Variants in GRIA4 observed in about 807,000 individuals in gnomAD.
GRIA4 encodes the protein glutamate receptor 4.
In GRIA4, 34 loss-of-function variants were observed where a neutral mutation model predicts 104.0. The ratio of observed to expected loss-of-function variants is 0.33; its 90% CI spans 0.25 to 0.44. GRIA4 has a LOEUF of 0.44. Among genes scored for constraint, GRIA4 ranks in the 20% least tolerant of loss-of-function variants. The probability of loss-of-function intolerance (pLI) is 1.00; values close to 1 mark genes in which losing one functional copy is unlikely to be tolerated. For synonymous variants in GRIA4, 386 were observed against 381.9 expected (o/e 1.01, Z -0.13); for missense variants, 750 against 1,096.5 (o/e 0.68, Z 4.46).
At chr11:105,881,767 A>G (rs2136082419) in intron 5 of GRIA4, among the ~76,000 whole-genome samples, 1 of 152,184 alleles carries the variant, frequency 6.6e-6, no homozygotes, top group East Asian at 1.9e-4. Context: ...TTGTACGTGC[A>G]TTGGTGTATC....
At chr11:105,922,819 G>A (rs1947601833) in intron 11 of GRIA4, among the ~76,000 whole-genome samples, 1 of 152,024 alleles carries the variant, frequency 6.6e-6, no homozygotes, top group Non-Finnish European at 1.5e-5. Context: ...AATGGGCTGG[G>A]TCATACTAAT....
chr11:105,711,158 G>T (rs1010153688), intron 3 of GRIA4, among the ~76,000 whole-genome samples: 1 of 151,550 alleles, frequency 6.6e-6, no homozygotes, highest in Non-Finnish European at 1.5e-5. Context: ...CACCTGATCT[G>T]GATCAAACCT....
chr11:105,968,602 C>T (rs962362858), intron 14 of GRIA4, among the ~76,000 whole-genome samples: 2 of 152,146 alleles, frequency 1.3e-5, no homozygotes, highest in African/African-American at 4.8e-5. Flanking sequence ...GCATCTTACA[C>T]GAAATAAATT....
At chr11:105,786,935 C>CA (rs1268124037) in intron 4 of GRIA4, among the ~76,000 whole-genome samples, 1 of 152,174 alleles carries the variant, frequency 6.6e-6, no homozygotes, top group Non-Finnish European at 1.5e-5. Flanking sequence ...AGAAAGCTAT[C>CA]AGAGCCAACA....
intron 3 of GRIA4, among the ~76,000 whole-genome samples, chr11:105,749,251 G>A (rs1939857128): frequency 1.3e-5 from 2 of 152,196 alleles, no homozygotes; most frequent in Admixed American, 1.3e-4. Flanking sequence ...ACTAGTTTGG[G>A]TGGCTGGAAA....
intron 4 of GRIA4, among the ~76,000 whole-genome samples, chr11:105,811,107 C>T (rs1204710017): frequency 6.6e-6 from 1 of 151,580 alleles, no homozygotes; most frequent in African/African-American, 2.4e-5. Flanking sequence ...ATTCCCCTTC[C>T]CTCAGTTATA....
In GRIA4 at chr11:105,631,366, A is replaced by G. The variant is rs904457804; in HGVS notation, c.247+18932A>G. ...AAAAGACTGTCCATTACCCAGACTA[A>G]TTTGATTAATGAAGTAAAATTGGAC... On this transcript the variant is annotated intron_variant, in intron 3 of 16. Coordinates refer to ENST00000282499, the MANE Select transcript of GRIA4 (RefSeq NM_000829.4). Among the ~76,000 whole-genome samples, 10 of 152,220 alleles carry G rather than the reference A, an allele frequency of 6.6e-5. No individual in the cohort carries two copies. In the East Asian group the frequency reaches 9.6e-4, roughly 15 times the overall value.
intron 3 of GRIA4, among the ~76,000 whole-genome samples, chr11:105,634,353 CAAAA>C (rs1267208067): frequency 4.0e-5 from 2 of 50,170 alleles, no homozygotes; most frequent in Non-Finnish European, 4.0e-5. Flanking sequence ...TCTCCGTCTC[CAAAA>C]AAAAAAAAAA....
chr11:105,835,364 G>A (rs1007780777), intron 4 of GRIA4, among the ~76,000 whole-genome samples: 10 of 151,952 alleles, frequency 6.6e-5, no homozygotes, highest in Middle Eastern at 3.4e-3. Context: ...TACAAAGGTC[G>A]AAATCTGTGA....
At chr11:105,731,667 A>C (rs2135611333) in intron 3 of GRIA4, among the ~76,000 whole-genome samples, 1 of 152,314 alleles carries the variant, frequency 6.6e-6, no homozygotes. Context: ...AAAATGTAAC[A>C]CATATACACC....
chr11:105,725,400 T>C (rs1938130408), intron 3 of GRIA4, among the ~76,000 whole-genome samples: 1 of 152,132 alleles, frequency 6.6e-6, no homozygotes, highest in African/African-American at 2.4e-5. Flanking sequence ...CTCATGCCAT[T>C]GCCTGGTTTC....
chr11:105,642,537 GAAAAAAAAAA>G (rs34987277), intron 3 of GRIA4, among the ~76,000 whole-genome samples: 2 of 72,448 alleles, frequency 2.8e-5, no homozygotes, highest in African/African-American at 1.3e-4. Flanking sequence ...CAATTTTAAT[GAAAAAAAAAA>G]AAAAAAAAAA....
chr11:105,690,833 T>A (rs1953058121), intron 3 of GRIA4, among the ~76,000 whole-genome samples: 1 of 152,172 alleles, frequency 6.6e-6, no homozygotes, highest in Non-Finnish European at 1.5e-5. Flanking sequence ...TGCTCACTTT[T>A]AATAAAGGCA....
At chr11:105,933,147 C>G (rs746333845) in intron 13 of GRIA4, among the ~76,000 whole-genome samples, 1 of 151,750 alleles carries the variant, frequency 6.6e-6, no homozygotes, top group East Asian at 1.9e-4. Context: ...GAGGCTGAGG[C>G]GGGAGGATCT....
At chr11:105,709,611 T>C (rs899461274) in intron 3 of GRIA4, among the ~76,000 whole-genome samples, 2 of 152,090 alleles carry the variant, frequency 1.3e-5, no homozygotes, top group African/African-American at 4.8e-5. Context: ...CATACAGGCA[T>C]GACATTCCTC....
chr11:105,922,305 G>T (rs1408897069), intron 11 of GRIA4, among the ~76,000 whole-genome samples: 4 of 152,088 alleles, frequency 2.6e-5, no homozygotes, highest in Non-Finnish European at 5.9e-5. Context: ...ACTTTTCTGA[G>T]GTTTAAAGCT....
At chr11:105,843,742 G>A (rs1476883030) in intron 4 of GRIA4, among the ~76,000 whole-genome samples, 3 of 152,280 alleles carry the variant, frequency 2.0e-5, no homozygotes, top group South Asian at 2.1e-4. Flanking sequence ...TGGGACGATC[G>A]TATGTGACTC....
At chr11:105,759,556 TGC>T (rs1940502718) in intron 4 of GRIA4, among the ~76,000 whole-genome samples, 1 of 152,156 alleles carries the variant, frequency 6.6e-6, no homozygotes, top group African/African-American at 2.4e-5. Flanking sequence ...ATTTAAAAGA[TGC>T]TCCACAATCT....
intron 16 of GRIA4, among the ~76,000 whole-genome samples, chr11:105,976,577 G>A (rs1858994001): frequency 6.6e-6 from 1 of 151,934 alleles, no homozygotes; most frequent in Non-Finnish European, 1.5e-5. Flanking sequence ...AAACTTATAA[G>A]TAAGCAGTTT....
Sources: gnomAD v4.1 joint callset for allele counts (sites outside exome capture counted in the v4.1 genomes callset) on GRCh38, gnomAD v4.1.1 for gene constraint, MANE v1.5 for transcripts, NCBI Gene and HGNC (gene_info 2026-07-23, HGNC 2026-07-21) for gene names.